SMYD3: variants seen among roughly 807,000 people sequenced by gnomAD.
SMYD3 encodes the protein histone-lysine N-methyltransferase SMYD3.
A neutral mutation model predicts 57.7 loss-of-function variants in SMYD3; 36 were observed. The ratio of observed to expected loss-of-function variants is 0.62; its 90% CI spans 0.48 to 0.82. The LOEUF (loss-of-function observed/expected upper bound fraction) is 0.82, where lower values mean the gene tolerates loss of function less well. SMYD3 is among the 40% of genes least tolerant of loss of function. The probability of loss-of-function intolerance (pLI) is 0.00; values close to 1 mark genes in which losing one functional copy is unlikely to be tolerated. For missense variants in SMYD3, 515 were observed against 538.8 expected, an observed-to-expected ratio of 0.96 and a Z score of 0.44; for synonymous variants, 211 against 195.0, an observed-to-expected ratio of 1.08 and a Z score of -0.68.
chr1:246,320,158 G>T (rs1273230600), intron 5 of SMYD3, among the ~76,000 whole-genome samples: 1 of 150,628 alleles, frequency 6.6e-6, no homozygotes, highest in African/African-American at 2.4e-5. Flanking sequence ...AAAAAAAAAA[G>T]AATCCTCCAA....
At position 246,203,727 on chromosome 1, in the gene SMYD3, G is replaced by C. The variant is rs1406207797; in HGVS notation, c.531+123474C>G. On this transcript the variant is annotated intron_variant, in intron 5 of 11. Coordinates refer to ENST00000490107, the MANE Select transcript of SMYD3 (RefSeq NM_001167740.2). This position sits in a 1 kb window ranked among gnomAD's most constrained non-coding sequence, Gnocchi z 4.6. ...ACCGGTGGTTAGAACATCAACATAT[G>C]AATTTGCGGGGACACAGTTCAGCCC... 6.6e-6 allele frequency among the ~76,000 whole-genome samples: 1 copy of C among 152,160 alleles called. No individual in the cohort carries two copies. Among genetic ancestry groups the C allele is most frequent in the East Asian group, 1.9e-4 (1 of 5,202 alleles).
chr1:246,001,001 G>T (rs2059031240), intron 5 of SMYD3, among the ~76,000 whole-genome samples: 1 of 152,126 alleles, frequency 6.6e-6, no homozygotes, highest in South Asian at 2.1e-4. Flanking sequence ...TTCTGTGATG[G>T]TAAGAAGAAG....
chr1:246,110,659 G>A (rs1023024838), intron 5 of SMYD3, among the ~76,000 whole-genome samples: 23 of 152,226 alleles, frequency 1.5e-4, no homozygotes, highest in Admixed American at 1.0e-3. Flanking sequence ...CCTGCACAGT[G>A]TCACCAGGGC....
chr1:246,163,385 T>C (rs898710965), intron 5 of SMYD3, among the ~76,000 whole-genome samples: 3 of 152,238 alleles, frequency 2.0e-5, no homozygotes, highest in African/African-American at 7.2e-5. Context: ...AGCAAGAGAT[T>C]GTATTGCTCT....
chr1:246,254,132 G>A (rs1373794255), intron 5 of SMYD3, among the ~76,000 whole-genome samples: 1 of 152,136 alleles, frequency 6.6e-6, no homozygotes, highest in Non-Finnish European at 1.5e-5. Flanking sequence ...TTCTTTTGAT[G>A]TGCAGAAGTT....
At chr1:246,484,077 G>GCAC (rs2068151106) in intron 1 of SMYD3, among the ~76,000 whole-genome samples, 1 of 89,838 alleles carries the variant, frequency 1.1e-5, no homozygotes, top group Non-Finnish European at 2.0e-5. Flanking sequence ...CTAAACCATT[G>GCAC]TACTAGTTAC....
intron 5 of SMYD3, among the ~76,000 whole-genome samples, chr1:246,235,431 G>A (rs935566759): frequency 3.9e-5 from 6 of 152,084 alleles, no homozygotes; most frequent in Non-Finnish European, 7.4e-5. Flanking sequence ...AATACAACCC[G>A]ACTCTCAAAT....
intron 5 of SMYD3, among the ~76,000 whole-genome samples, chr1:246,059,069 G>A (rs974706859): frequency 6.6e-6 from 1 of 152,034 alleles, no homozygotes; most frequent in African/African-American, 2.4e-5. Flanking sequence ...GTAGAGACAG[G>A]GTTTCACCGT....
At chr1:246,497,059 AT>A (rs1442014321) in intron 1 of SMYD3, among the ~76,000 whole-genome samples, 1 of 152,138 alleles carries the variant, frequency 6.6e-6, no homozygotes, top group African/African-American at 2.4e-5. Context: ...AGTGGCCTTT[AT>A]TTTTTCTATA....
chr1:245,755,437 C>A (rs1057333196), intron 11 of SMYD3, among the ~76,000 whole-genome samples: 6 of 152,202 alleles, frequency 3.9e-5, no homozygotes, highest in African/African-American at 1.2e-4. Flanking sequence ...TGTATCCCTC[C>A]TCAGTTTCTG....
intron 10 of SMYD3, among the ~76,000 whole-genome samples, chr1:245,797,225 C>T (rs1300958562): frequency 6.6e-6 from 1 of 152,136 alleles, no homozygotes; most frequent in Non-Finnish European, 1.5e-5. Flanking sequence ...GACACATGCA[C>T]ACGTATGTTT....
chr1:246,298,137 C>A (rs908957999), intron 5 of SMYD3, among the ~76,000 whole-genome samples: 1 of 151,910 alleles, frequency 6.6e-6, no homozygotes, highest in Non-Finnish European at 1.5e-5. Context: ...TGCAGGTTCA[C>A]AGACAGTGCC....
intron 1 of SMYD3, among the ~76,000 whole-genome samples, chr1:246,462,675 C>A (rs1460312831): frequency 6.6e-6 from 1 of 152,188 alleles, no homozygotes; most frequent in Non-Finnish European, 1.5e-5. Flanking sequence ...GAGGGCTACA[C>A]AAACACACTA....
chr1:246,313,678 A>C (rs2065114915), intron 5 of SMYD3, among the ~76,000 whole-genome samples: 1 of 152,210 alleles, frequency 6.6e-6, no homozygotes, highest in African/African-American at 2.4e-5. Context: ...TATTTATTCA[A>C]AAACAACATT....
intron 5 of SMYD3, among the ~76,000 whole-genome samples, chr1:246,219,262 C>A (rs1473790658): frequency 6.6e-6 from 1 of 152,042 alleles, no homozygotes; most frequent in African/African-American, 2.4e-5. Flanking sequence ...TATAAAAACC[C>A]CAGATCCAGC....
Position 246,017,685 on chromosome 1 carries a change from G to A in SMYD3, c.532-87748C>T, listed in dbSNP as rs529423320. Reference sequence around the variant, plus strand: ...CACTAGGTTAAAGTGTTATCTGTCAGACTTCTCCACTGTGAAGTTTCTCAT... The same window carrying A: ...CACTAGGTTAAAGTGTTATCTGTCAAACTTCTCCACTGTGAAGTTTCTCAT... On this transcript the variant is annotated intron_variant, in intron 5 of 11. Coordinates refer to ENST00000490107, the MANE Select transcript of SMYD3 (RefSeq NM_001167740.2). 1.8e-3 allele frequency among the ~76,000 whole-genome samples: 280 copies of A among 152,250 alleles called. 3 individuals carry two copies. Among genetic ancestry groups the A allele is most frequent in the African/African-American group, 5.8e-3 (242 of 41,532 alleles).
chr1:246,227,187 C>T (rs78877959), intron 5 of SMYD3, among the ~76,000 whole-genome samples: 3,739 of 152,276 alleles, frequency 0.025, 148 homozygotes, highest in African/African-American at 0.085. Context: ...CATCACAGTA[C>T]ATGGTTAGAT....
chr1:245,790,320 A>C (rs1323035703), intron 10 of SMYD3, among the ~76,000 whole-genome samples: 1 of 152,226 alleles, frequency 6.6e-6, no homozygotes, highest in African/African-American at 2.4e-5. Flanking sequence ...GGAGAGCTGC[A>C]GTGAGGAATG....
At chr1:246,098,514 T>C (rs997169825) in intron 5 of SMYD3, among the ~76,000 whole-genome samples, 21 of 152,238 alleles carry the variant, frequency 1.4e-4, no homozygotes, top group Non-Finnish European at 2.8e-4. Context: ...AGCTATTATT[T>C]AATTTTTAAA....
Sources: allele counts gnomAD v4.1 joint callset (sites outside exome capture counted in the v4.1 genomes callset), GRCh38; gene constraint gnomAD v4.1.1; non-coding constraint Gnocchi (gnomAD v3.1); transcripts MANE v1.5; gene names NCBI Gene and HGNC (gene_info 2026-07-23, HGNC 2026-07-21).